The following CUBN variants were observed in gnomAD, a reference collection of about 807,000 sequenced individuals.
The protein encoded by CUBN is 460 kDa receptor.
CUBN carries 282 observed loss-of-function variants against 405.3 expected under a neutral mutation model. That is an observed-to-expected ratio of 0.70 (90% CI 0.63 to 0.77). The LOEUF (loss-of-function observed/expected upper bound fraction) is 0.77. Among genes scored for constraint, CUBN ranks in the 30% least tolerant of loss-of-function variants. The pLI, the probability that CUBN is intolerant of heterozygous loss-of-function variation, is 0.00. For missense variants in CUBN, 4,514 were observed against 4,475.2 expected (o/e 1.01, Z -0.25); for synonymous variants, 1,684 against 1,617.0 (o/e 1.04, Z -0.99).
intron 56 of CUBN, among the ~76,000 whole-genome samples, chr10:16,881,110 T>G (rs1192294076): frequency 7.9e-5 from 12 of 152,194 alleles, no homozygotes; most frequent in Admixed American, 7.9e-4. Context: ...GTGCATTAGT[T>G]ATAGAAATTA....
At chr10:17,092,051 T>C (rs954286070) in intron 14 of CUBN, among the ~76,000 whole-genome samples, 1 of 152,212 alleles carries the variant, frequency 6.6e-6, no homozygotes, top group Non-Finnish European at 1.5e-5. Flanking sequence ...TCAGGAATCC[T>C]TTCTGGTAAC....
At chr10:16,831,528 T>C (rs1475898681) in intron 64 of CUBN, 111 bp from the exon 65 acceptor site, 4 of 1,013,012 alleles carry the variant, frequency 3.9e-6, no homozygotes, top group South Asian at 1.3e-5. Flanking sequence ...TTTGTCTTTT[T>C]ATACAGTTAA....
At chr10:17,093,784 T>C (rs1465662880) in intron 14 of CUBN, among the ~76,000 whole-genome samples, 1 of 151,918 alleles carries the variant, frequency 6.6e-6, no homozygotes, top group Non-Finnish European at 1.5e-5. Context: ...ATAATTATGA[T>C]AAAACTTAGA....
intron 51 of CUBN, among the ~76,000 whole-genome samples, chr10:16,903,179 A>G (rs138136377): frequency 9.5e-4 from 145 of 152,360 alleles, no homozygotes; most frequent in Admixed American, 2.0e-3. Context: ...TAACTTATGA[A>G]AGGAGAAAAA....
chr10:16,962,852 G>T (rs949143253), intron 31 of CUBN, among the ~76,000 whole-genome samples: 2 of 152,126 alleles, frequency 1.3e-5, no homozygotes, highest in African/African-American at 4.8e-5. Context: ...CTGGCTTCCT[G>T]ACCCACGGAA....
Position 16,940,060 on chromosome 10 carries a change from G to C in CUBN, c.5520C>G (p.Gly1840=). The change falls in exon 37 of 67, where the codon GGC becomes GGG. Residue 1840 remains glycine, a synonymous_variant. Transcript: ENST00000377833. ...VRFISDGSGS[G]TGFQATFMKI... ...TCATAAATGTGGCCTGGAAGCCCGTGCCGCTGCCAGAACCATCTGAGATAA... is the reference window on the plus strand; with the variant it reads ...TCATAAATGTGGCCTGGAAGCCCGTCCCGCTGCCAGAACCATCTGAGATAA... 3.1e-6 allele frequency: 5 copies of C among 1,614,008 alleles called. No homozygotes were observed. Among genetic ancestry groups the C allele is most frequent in the Middle Eastern group, 1.7e-4 (1 of 6,058 alleles).
At chr10:16,872,848 TCTGTTCTTTTGTC>T (rs962411803) in intron 58 of CUBN, among the ~76,000 whole-genome samples, 12 of 152,226 alleles carry the variant, frequency 7.9e-5, no homozygotes, top group African/African-American at 2.4e-4. Flanking sequence ...TCTGACAGTT[TCTGTTCTTTTGTC>T]CCCAAGACCT....
Position 16,869,164 on chromosome 10 carries a change from ATTTTTTTTTT to A in CUBN, c.9454+462_9454+471del, listed in dbSNP as rs72310717. ...CTTCCTCCACTGTGCTACCAAAGTG[ATTTTTTTTTT>A]TTTTTTTTTGAGACAGAGTCTCATT... is the stretch of plus-strand genomic sequence containing the variant. On this transcript the variant is annotated intron_variant, in intron 59 of 66. Coordinates refer to ENST00000377833, the MANE Select transcript of CUBN (RefSeq NM_001081.4). Among the ~76,000 whole-genome samples, 3 of 121,162 alleles carry A rather than the reference ATTTTTTTTTT, an allele frequency of 2.5e-5. No individual in the cohort carries two copies. The East Asian group carries it at 7.3e-4, about 29-fold the overall frequency. 79.5% of individuals were successfully genotyped at this position (121,162 alleles called of 152,430 possible).
intron 59 of CUBN, among the ~76,000 whole-genome samples, chr10:16,861,501 T>C (rs549515932): frequency 1.3e-5 from 2 of 152,172 alleles, no homozygotes. Context: ...ATACTATTTA[T>C]AGCTAAAAAT....
Position 17,121,312 on chromosome 10 carries a change from T to G in CUBN, c.593+1483A>C, listed in dbSNP as rs1453133933. On this transcript the variant is annotated intron_variant, in intron 6 of 66. Transcript: ENST00000377833. ...TAAAAAGAGAAGGTTTGTGACTGCA[T>G]TTTTAGAAGTGTGCATTAATAGTGA... Among the ~76,000 whole-genome samples, 3 of 152,068 alleles carry G rather than the reference T, an allele frequency of 2.0e-5. No individual in the cohort carries two copies. In the South Asian group the frequency reaches 6.2e-4, roughly 31 times the overall value.
At chr10:16,963,165 C>A (rs1843281366) in intron 31 of CUBN, among the ~76,000 whole-genome samples, 1 of 144,512 alleles carries the variant, frequency 6.9e-6, no homozygotes, top group African/African-American at 2.6e-5. Flanking sequence ...CTCATATATA[C>A]ATTTCTTTTT....
intron 30 of CUBN, 141 bp downstream of exon 30, chr10:16,983,962 GTA>G (rs1181661215): frequency 1.2e-6 from 1 of 842,498 alleles, no homozygotes. Context: ...TTAGGGAAGG[GTA>G]TATGTCAGGT....
chr10:16,874,972 T>A (rs1840458101), intron 57 of CUBN, among the ~76,000 whole-genome samples: 1 of 152,110 alleles, frequency 6.6e-6, no homozygotes, highest in Non-Finnish European at 1.5e-5. Flanking sequence ...AGGGATAGAA[T>A]ATTATATGGT....
intron 31 of CUBN, among the ~76,000 whole-genome samples, chr10:16,981,704 G>A (rs754227360): frequency 6.6e-6 from 1 of 152,130 alleles, no homozygotes; most frequent in African/African-American, 2.4e-5. Flanking sequence ...CGTTCACCCC[G>A]GTTCCTGCAT....
chr10:16,909,753 T>C (rs1441450310), intron 48 of CUBN, among the ~76,000 whole-genome samples: 1 of 152,240 alleles, frequency 6.6e-6, no homozygotes, highest in Non-Finnish European at 1.5e-5. Flanking sequence ...CTCTAATCCC[T>C]TTTGTACTTA....
At chr10:17,122,153 G>A (rs1837058088) in intron 6 of CUBN, 1 of 154,838 alleles carries the variant, frequency 6.5e-6, no homozygotes, top group Admixed American at 6.4e-5. Flanking sequence ...TGCTTAAAAA[G>A]GGAAGGGAAA....
chr10:16,980,107 G>A (rs1458719497), intron 31 of CUBN, among the ~76,000 whole-genome samples: 2 of 152,162 alleles, frequency 1.3e-5, no homozygotes, highest in Non-Finnish European at 2.9e-5. Flanking sequence ...ACCATCACTG[G>A]TCCTTAGAGA....
At chr10:16,929,856 G>A (rs1282208462) in intron 40 of CUBN, among the ~76,000 whole-genome samples, 1 of 152,188 alleles carries the variant, frequency 6.6e-6, no homozygotes. Context: ...ATCACTGGAT[G>A]AAAGTGAGTT....
At chr10:17,011,607 G>A (rs565224067) in intron 28 of CUBN, among the ~76,000 whole-genome samples, 63 of 152,212 alleles carry the variant, frequency 4.1e-4, no homozygotes, top group African/African-American at 8.2e-4. Context: ...GCAGGTTGCC[G>A]CTGCTAGCTC....
Sources: gnomAD v4.1 joint callset for allele counts (sites outside exome capture counted in the v4.1 genomes callset) on GRCh38, gnomAD v4.1.1 for gene constraint, MANE v1.5 for transcripts, NCBI Gene and HGNC (gene_info 2026-07-23, HGNC 2026-07-21) for gene names.